The following HIVEP2 variants were observed in gnomAD, a reference collection of about 807,000 sequenced individuals.
The protein encoded by HIVEP2 is transcription factor HIVEP2.
Under a neutral mutation model 180.7 loss-of-function variants are expected in HIVEP2, and 14 were observed. The observed-to-expected ratio is 0.08, with a 90% CI of 0.05 to 0.12. The LOEUF is 0.12. HIVEP2 is among the 10% of genes least tolerant of loss of function. HIVEP2 has a pLI of 1.00. For synonymous variants in HIVEP2, 1,184 were observed against 1,136.4 expected (o/e 1.04, Z -0.84); for missense variants, 2,579 against 3,008.5 (o/e 0.86, Z 3.34).
chr6:142,822,606 A>G (rs1484342105), intron 2 of HIVEP2, among the ~76,000 whole-genome samples: 1 of 152,166 alleles, frequency 6.6e-6, no homozygotes, highest in Non-Finnish European at 1.5e-5. Context: ...TTTTTTCTCA[A>G]CCAAATTTTC....
chr6:142,844,412 C>T (rs1194025727), intron 1 of HIVEP2, among the ~76,000 whole-genome samples: 1 of 152,162 alleles, frequency 6.6e-6, no homozygotes, highest in African/African-American at 2.4e-5. Flanking sequence ...AGTAATCTCA[C>T]TGAGTTCTAT....
At chr6:142,915,603 A>T (rs954268656) in intron 1 of HIVEP2, among the ~76,000 whole-genome samples, 19 of 152,138 alleles carry the variant, frequency 1.2e-4, no homozygotes, top group Non-Finnish European at 4.4e-5. Context: ...ACCTCTCCTC[A>T]CATAGATGCT....
intron 2 of HIVEP2, among the ~76,000 whole-genome samples, chr6:142,830,427 G>A (rs1300672404): frequency 6.6e-6 from 1 of 152,038 alleles, no homozygotes; most frequent in Non-Finnish European, 1.5e-5. Context: ...TAAGAGGCTG[G>A]GAGGCACACT....
At chr6:142,938,410 A>T (rs1439908976) in intron 1 of HIVEP2, among the ~76,000 whole-genome samples, 1 of 152,270 alleles carries the variant, frequency 6.6e-6, no homozygotes, top group African/African-American at 2.4e-5. Flanking sequence ...ACTGTTTCAA[A>T]TAAATCTAGC....
chr6:142,834,067 G>A (rs367831908), intron 2 of HIVEP2, among the ~76,000 whole-genome samples: 3 of 152,100 alleles, frequency 2.0e-5, no homozygotes, highest in South Asian at 2.1e-4. Context: ...TAGTACACCC[G>A]GAGATAACAG....
chr6:142,934,118 A>C (rs1028965432), intron 1 of HIVEP2, among the ~76,000 whole-genome samples: 4 of 152,244 alleles, frequency 2.6e-5, no homozygotes, highest in Non-Finnish European at 5.9e-5. Context: ...TTATCTCAAC[A>C]ACACTTTACT....
At chr6:142,893,775 C>CG (rs1562281844) in intron 1 of HIVEP2, among the ~76,000 whole-genome samples, 3 of 151,942 alleles carry the variant, frequency 2.0e-5, no homozygotes, top group Admixed American at 1.3e-4. Flanking sequence ...CTGCATTTTT[C>CG]GGGGGGAGGG....
chr6:142,866,025 C>A (rs1023406512), intron 1 of HIVEP2, among the ~76,000 whole-genome samples: 2 of 152,112 alleles, frequency 1.3e-5, no homozygotes, highest in African/African-American at 4.8e-5. Context: ...CCTCTCTAGG[C>A]TTTGAGTTCC....
At chr6:142,830,278 C>T (rs181530682) in intron 2 of HIVEP2, among the ~76,000 whole-genome samples, 153 of 152,202 alleles carry the variant, frequency 1.0e-3, no homozygotes, top group African/African-American at 3.4e-3. Context: ...AAGAGAAGTG[C>T]ATGTGTTTGC....
intron 2 of HIVEP2, among the ~76,000 whole-genome samples, chr6:142,830,610 T>C (rs1461635189): frequency 6.6e-6 from 1 of 152,050 alleles, no homozygotes; most frequent in Non-Finnish European, 1.5e-5. Flanking sequence ...AGTCTTCCAG[T>C]GAATTCCTGT....
At chr6:142,936,262 G>A (rs1399223037) in intron 1 of HIVEP2, among the ~76,000 whole-genome samples, 3 of 151,026 alleles carry the variant, frequency 2.0e-5, no homozygotes, top group South Asian at 2.1e-4. Flanking sequence ...GGGCGATCTC[G>A]GCTCACTGCA....
At position 142,759,753 on chromosome 6, in the gene HIVEP2, A is replaced by G; in HGVS notation, c.6516+19T>C. 6.4e-7 allele frequency: 1 copy of G among 1,567,866 alleles called. No homozygotes were observed. Among genetic ancestry groups the G allele is most frequent in the Non-Finnish European group, 8.6e-7 (1 of 1,160,050 alleles). ...GTGCTTCCACTTATGTATTAGAAAGAAAAGTGGATTATACTTACAGGAGGC... is the reference window on the plus strand; with the variant it reads ...GTGCTTCCACTTATGTATTAGAAAGGAAAGTGGATTATACTTACAGGAGGC... On this transcript the variant is annotated intron_variant, in intron 9 of 9. Coordinates refer to ENST00000367603, the MANE Select transcript of HIVEP2 (RefSeq NM_006734.4).
At chr6:142,907,351 C>T (rs1291302574) in intron 1 of HIVEP2, among the ~76,000 whole-genome samples, 2 of 151,552 alleles carry the variant, frequency 1.3e-5, no homozygotes, top group Admixed American at 1.3e-4. Flanking sequence ...CCCGGGTTGT[C>T]GCCTTCTAGC....
intron 9 of HIVEP2, among the ~76,000 whole-genome samples, chr6:142,756,163 G>A (rs1311790882): frequency 2.0e-5 from 3 of 152,022 alleles, no homozygotes; most frequent in African/African-American, 7.3e-5. Context: ...ACATCTATAC[G>A]CCATGTACCA....
intron 2 of HIVEP2, among the ~76,000 whole-genome samples, chr6:142,817,888 C>T (rs1337438962): frequency 6.6e-6 from 1 of 151,922 alleles, no homozygotes; most frequent in Non-Finnish European, 1.5e-5. Context: ...TGCCTGTAAT[C>T]CCAGCTACCC....
At chr6:142,836,121 T>A (rs1239071227) in intron 2 of HIVEP2, among the ~76,000 whole-genome samples, 2 of 152,202 alleles carry the variant, frequency 1.3e-5, no homozygotes, top group East Asian at 3.8e-4. Context: ...GAAATTCAAA[T>A]CTTGTGACCT....
At chr6:142,919,364 T>G (rs1190045862) in intron 1 of HIVEP2, among the ~76,000 whole-genome samples, 1 of 152,216 alleles carries the variant, frequency 6.6e-6, no homozygotes, top group African/African-American at 2.4e-5. Context: ...AGTTTAATAT[T>G]GACTCATAAT....
Position 142,751,559 on chromosome 6 carries a change from A to T in HIVEP2, c.*1548T>A, listed in dbSNP as rs1223257712. 1 of 152,664 alleles carries T rather than the reference A, an allele frequency of 6.6e-6. No homozygotes were observed. Among genetic ancestry groups the T allele is most frequent in the East Asian group, 1.9e-4 (1 of 5,200 alleles). 9.5% of individuals were successfully genotyped at this position (152,664 alleles called of 1,614,324 possible). Reference sequence around the variant, plus strand: ...ACTTGGTTTCACAGAATTATAATCCACTATATAGCACAAAGATAACCCAGA... The same window carrying T: ...ACTTGGTTTCACAGAATTATAATCCTCTATATAGCACAAAGATAACCCAGA... On this transcript the variant is annotated 3_prime_UTR_variant, in exon 10 of 10. Transcript: ENST00000367603.
intron 1 of HIVEP2, among the ~76,000 whole-genome samples, chr6:142,840,977 T>TAAG (rs948444646): frequency 3.9e-5 from 6 of 152,092 alleles, no homozygotes; most frequent in Non-Finnish European, 8.8e-5. Flanking sequence ...TTTATTTTAA[T>TAAG]GGTGACCATA....
Sources: gnomAD v4.1 joint callset for allele counts (sites outside exome capture counted in the v4.1 genomes callset) on GRCh38, gnomAD v4.1.1 for gene constraint, MANE v1.5 for transcripts, NCBI Gene and HGNC (gene_info 2026-07-23, HGNC 2026-07-21) for gene names.